Variants in CEP55 observed in about 807,000 individuals in gnomAD.
The protein encoded by CEP55 is centrosomal protein 55, also known as centrosomal protein of 55 kDa.
CEP55 carries 57 observed loss-of-function variants against 63.2 expected under a neutral mutation model. The observed-to-expected ratio is 0.90, with a 90% CI of 0.73 to 1.13. The LOEUF (loss-of-function observed/expected upper bound fraction) is 1.13. Ranked by LOEUF, CEP55 falls within the 50% of genes most tolerant of loss-of-function variation. The pLI is 0.00. For missense variants in CEP55, 456 were observed against 518.9 expected (o/e 0.88, Z 1.18); for synonymous variants, 178 against 191.6 (o/e 0.93, Z 0.59).
intron 2 of CEP55, 52 bp downstream of exon 2, chr10:93,500,286 A>T (rs2057620228): frequency 7.0e-7 from 1 of 1,437,310 alleles, no homozygotes; most frequent in East Asian, 2.3e-5. Context: ...AAAGCGATGC[A>T]TGAAGATTTC....
rs2057943202 is a variant in CEP55, at chr10:93,528,101, C to T, written c.1343C>T (p.Pro448Leu). The change falls in exon 9 of 9, where the codon CCA becomes CTA. Residue 448 changes from proline to leucine, a missense_variant. Physicochemically the swap from Pro to Leu is moderately conservative, Grantham distance 98. Transcript: ENST00000371485. ...VECPKCNIQY[P>L]ATEHRDLLVH... ...TGTCCCAAGTGCAATATACAGTATCCAGCCACTGAGCATCGCGATCTGCTT... is the reference window on the plus strand; with the variant it reads ...TGTCCCAAGTGCAATATACAGTATCTAGCCACTGAGCATCGCGATCTGCTT... The T allele has an allele frequency of 6.2e-7, 1 of 1,614,068 alleles. No individual in the cohort carries two copies. Among genetic ancestry groups the T allele is most frequent in the Non-Finnish European group, 8.5e-7 (1 of 1,180,002 alleles).
intron 3 of CEP55, 142 bp from the exon 4 acceptor site, chr10:93,506,846 T>G: frequency 1.5e-6 from 1 of 686,154 alleles, no homozygotes. Context: ...AGTGCTGGGA[T>G]TATAGGCGTG....
At chr10:93,502,980 C>G in intron 2 of CEP55, 133 bp from the exon 3 acceptor site, 1 of 832,990 alleles carries the variant, frequency 1.2e-6, no homozygotes, top group East Asian at 2.6e-5. Context: ...GCTTCCTAAT[C>G]TTTTTTGGCC....
chr10:93,522,293 C>G (rs994139218), intron 8 of CEP55, among the ~76,000 whole-genome samples: 1 of 152,170 alleles, frequency 6.6e-6, no homozygotes, highest in Non-Finnish European at 1.5e-5. Flanking sequence ...GACGAATGCA[C>G]AAGCCTCAGT....
At chr10:93,497,960 A>G (rs2057590137) in intron 1 of CEP55, among the ~76,000 whole-genome samples, 1 of 152,018 alleles carries the variant, frequency 6.6e-6, no homozygotes, top group African/African-American at 2.4e-5. Flanking sequence ...CTCTACTAAT[A>G]GATAAAAAAA....
intron 3 of CEP55, among the ~76,000 whole-genome samples, chr10:93,505,336 C>T (rs893151561): frequency 3.3e-5 from 5 of 152,166 alleles, no homozygotes; most frequent in African/African-American, 1.2e-4. Context: ...TCTAGTGGCT[C>T]CACCTTCCTT....
At chr10:93,511,464 G>T (rs1436327898) in intron 4 of CEP55, among the ~76,000 whole-genome samples, 3 of 152,196 alleles carry the variant, frequency 2.0e-5, no homozygotes, top group Non-Finnish European at 4.4e-5. Flanking sequence ...CACACAGTGA[G>T]AAGAGGTGGC....
intron 4 of CEP55, among the ~76,000 whole-genome samples, chr10:93,514,979 G>A (rs150115865): frequency 0.084 from 12,793 of 152,126 alleles, 604 homozygotes; most frequent in Non-Finnish European, 0.1. Flanking sequence ...CACCATGTTG[G>A]CCAGGCTGGT....
At chr10:93,506,566 A>AT (rs1477411757) in intron 3 of CEP55, among the ~76,000 whole-genome samples, 1 of 151,726 alleles carries the variant, frequency 6.6e-6, no homozygotes, top group Non-Finnish European at 1.5e-5. Flanking sequence ...CTAGATCTGG[A>AT]TTTTTTGTTT....
chr10:93,520,449 G>GA (rs2057849485), intron 8 of CEP55, among the ~76,000 whole-genome samples: 1 of 144,058 alleles, frequency 6.9e-6, no homozygotes, highest in African/African-American at 2.5e-5. Flanking sequence ...AAAAGAAAAA[G>GA]AAAAAAATGC....
intron 8 of CEP55, among the ~76,000 whole-genome samples, chr10:93,522,062 C>T (rs1004445871): frequency 6.6e-6 from 1 of 152,206 alleles, no homozygotes; most frequent in African/African-American, 2.4e-5. Flanking sequence ...GAACGCAGCT[C>T]CTCACCAGCA....
At chr10:93,510,857 T>C (rs1293265669) in intron 4 of CEP55, among the ~76,000 whole-genome samples, 1 of 152,096 alleles carries the variant, frequency 6.6e-6, no homozygotes, top group Non-Finnish European at 1.5e-5. Flanking sequence ...TTAATCTACG[T>C]TGGTTGGAAT....
intron 6 of CEP55, among the ~76,000 whole-genome samples, chr10:93,518,301 C>G (rs1043530444): frequency 6.6e-6 from 1 of 152,116 alleles, no homozygotes; most frequent in African/African-American, 2.4e-5. Context: ...AGGTGCCCAC[C>G]ACCACGGCTG....
chr10:93,503,922 C>T (rs893988416), intron 3 of CEP55, among the ~76,000 whole-genome samples: 1 of 151,172 alleles, frequency 6.6e-6, no homozygotes, highest in Non-Finnish European at 1.5e-5. Flanking sequence ...ACCTTTATAG[C>T]CTTAGAGACA....
intron 4 of CEP55, among the ~76,000 whole-genome samples, chr10:93,511,693 C>A (rs1159501128): frequency 6.6e-6 from 1 of 152,036 alleles, no homozygotes; most frequent in Non-Finnish European, 1.5e-5. Flanking sequence ...ACCTCCACCT[C>A]CTGGGCTCAA....
chr10:93,512,904 A>T (rs1221294209), intron 4 of CEP55, among the ~76,000 whole-genome samples: 4 of 152,196 alleles, frequency 2.6e-5, no homozygotes, highest in African/African-American at 9.7e-5. Context: ...ATTTTTCCCA[A>T]CTTTTATGAT....
chr10:93,527,293 A>G lies in CEP55; in HGVS notation c.1192-657A>G, dbSNP rs2057933947. ...AAATTGCTTGCTGCCTTTAATTTCC[A>G]TGTAGTACTTTATTGCTGACGTTGC... On this transcript the variant is annotated intron_variant, in intron 8 of 8. Transcript: ENST00000371485. 3.3e-5 allele frequency among the ~76,000 whole-genome samples: 5 copies of G among 152,298 alleles called. No individual in the cohort carries two copies. The South Asian group carries it at 1.0e-3, about 32-fold the overall frequency.
Position 93,518,959 on chromosome 10 carries a change from G to A in CEP55, c.1065+11G>A, listed in dbSNP as rs111574036. On this transcript the variant is annotated intron_variant, in intron 7 of 8. Coordinates refer to ENST00000371485, the MANE Select transcript of CEP55 (RefSeq NM_018131.5). The stretch of plus-strand genomic sequence containing the variant: ...CTGTTGGAACAACAGGTACTCATTC[G>A]GGTTGCTTCTAAATTCAATTCTGCC... The A allele has an allele frequency of 8.3e-3, 13,265 of 1,607,038 alleles. 76 individuals carry two copies. The highest frequency in any genetic ancestry group is 9.9e-3 in the Non-Finnish European group (11,625 of 1,173,678).
At chr10:93,509,519 T>G (rs1201969126) in intron 4 of CEP55, among the ~76,000 whole-genome samples, 2 of 149,120 alleles carry the variant, frequency 1.3e-5, no homozygotes, top group African/African-American at 4.9e-5. Context: ...GGAGTCTCAC[T>G]CTGTCACTCA....
Sources: allele counts gnomAD v4.1 joint callset (sites outside exome capture counted in the v4.1 genomes callset), GRCh38; gene constraint gnomAD v4.1.1; transcripts MANE v1.5; gene names NCBI Gene and HGNC (gene_info 2026-07-23, HGNC 2026-07-21).